The following MICAL3 variants were observed in gnomAD, a reference collection of about 807,000 sequenced individuals.
The protein encoded by MICAL3 is microtubule associated monooxygenase, calponin and LIM domain containing 3.
In MICAL3, 62 loss-of-function variants were observed where a neutral mutation model predicts 207.4. The observed-to-expected ratio is 0.30, with a 90% CI of 0.24 to 0.37. MICAL3 has a LOEUF of 0.37. Ranked by LOEUF, MICAL3 falls within the 10% of genes least tolerant of loss-of-function variation. The pLI, the probability that MICAL3 is intolerant of heterozygous loss-of-function variation, is 1.00. For synonymous variants in MICAL3, 1,077 were observed against 1,069.3 expected (o/e 1.01, Z -0.14); for missense variants, 2,368 against 2,635.6 (o/e 0.90, Z 2.22).
chr22:17,842,173 C>A, intron 19 of MICAL3, 156 bp from the exon 20 acceptor site: 1 of 678,366 alleles, frequency 1.5e-6, no homozygotes, highest in Admixed American at 2.8e-5. Flanking sequence ...GAGAAGGACC[C>A]TGGCATGTGA....
chr22:17,855,959 T>C (rs1380125270), intron 19 of MICAL3, among the ~76,000 whole-genome samples: 1 of 152,246 alleles, frequency 6.6e-6, no homozygotes, highest in African/African-American at 2.4e-5. Flanking sequence ...TCTGAGTTTA[T>C]TGGTTACGTG....
At chr22:17,835,623 C>T (rs1923281215) in intron 20 of MICAL3, among the ~76,000 whole-genome samples, 1 of 152,254 alleles carries the variant, frequency 6.6e-6, no homozygotes, top group Admixed American at 6.5e-5. Flanking sequence ...CAGAGGATCA[C>T]TATACCAGAA....
chr22:17,961,142 G>T (rs549839736), intron 1 of MICAL3, among the ~76,000 whole-genome samples: 1 of 152,162 alleles, frequency 6.6e-6, no homozygotes, highest in Admixed American at 6.5e-5. Context: ...CCAGAGGATG[G>T]CTGGCGGTGG....
intron 19 of MICAL3, chr22:17,862,482 G>T: frequency 4.7e-6 from 3 of 633,896 alleles, no homozygotes; most frequent in Non-Finnish European, 5.9e-6. Flanking sequence ...GGATGGTCTC[G>T]ATCTCCTGAC....
At chr22:17,877,372 AGGTG>A (rs1928822396) in intron 16 of MICAL3, among the ~76,000 whole-genome samples, 5 of 110,344 alleles carry the variant, frequency 4.5e-5, no homozygotes, top group Non-Finnish European at 6.9e-5. Flanking sequence ...GAGGTTAGGG[AGGTG>A]AGGGAGGTTA....
chr22:17,902,767 A>G lies in MICAL3; in HGVS notation c.473-20T>C. The stretch of plus-strand genomic sequence containing the variant: ...GGATACCTGGGAGAATACAGAGATG[A>G]CGTTGATGGGAACACATGGAGAAGG... On this transcript the variant is annotated intron_variant, in intron 3 of 31. Coordinates refer to ENST00000441493, the MANE Select transcript of MICAL3 (RefSeq NM_015241.3). This position sits in a 1 kb window ranked among gnomAD's most constrained non-coding sequence, Gnocchi z 4.5. 1.4e-6 allele frequency: 2 copies of G among 1,473,952 alleles called. No homozygotes were observed. The highest frequency in any genetic ancestry group is 1.9e-6 in the Non-Finnish European group (2 of 1,068,352). 91.3% of individuals were successfully genotyped at this position (1,473,952 alleles called of 1,614,324 possible). A position where few individuals can be genotyped will look rare whatever the true frequency, so the allele number is the denominator to read the frequency against.
At chr22:17,959,010 GTTTTTTTTT>G (rs34107784) in intron 1 of MICAL3, among the ~76,000 whole-genome samples, 4 of 85,850 alleles carry the variant, frequency 4.7e-5, no homozygotes, top group Admixed American at 1.6e-4. Flanking sequence ...CGGGCCTGGG[GTTTTTTTTT>G]TTTTTTTTTT....
chr22:17,960,698 G>A (rs1437955488), intron 1 of MICAL3, among the ~76,000 whole-genome samples: 1 of 152,158 alleles, frequency 6.6e-6, no homozygotes, highest in Non-Finnish European at 1.5e-5. Context: ...AGAGGGTGGG[G>A]GGAAGGAGGC....
At chr22:17,879,790 G>T (rs1352273196) in intron 16 of MICAL3, among the ~76,000 whole-genome samples, 1 of 152,230 alleles carries the variant, frequency 6.6e-6, no homozygotes, top group Non-Finnish European at 1.5e-5. Context: ...GAAAGCAAAG[G>T]TGGGGAGGTG....
chr22:17,848,525 C>G (rs1254103956), intron 19 of MICAL3, among the ~76,000 whole-genome samples: 1 of 152,200 alleles, frequency 6.6e-6, no homozygotes, highest in Admixed American at 6.5e-5. Context: ...AGTGAAGAAT[C>G]AGCTTGGATA....
chr22:17,938,975 T>C (rs1933685009), intron 1 of MICAL3, among the ~76,000 whole-genome samples: 1 of 152,202 alleles, frequency 6.6e-6, no homozygotes, highest in South Asian at 2.1e-4. Context: ...TTGAAATTCA[T>C]GTAGAAATTT....
chr22:17,799,739 C>A (rs1227340127), intron 29 of MICAL3, among the ~76,000 whole-genome samples: 1 of 152,130 alleles, frequency 6.6e-6, no homozygotes, highest in Non-Finnish European at 1.5e-5. Context: ...AAGCAGCTGT[C>A]ATGACAGGGT....
At chr22:17,876,754 T>A (rs1928428277) in intron 16 of MICAL3, 1 of 146,336 alleles carries the variant, frequency 6.8e-6, no homozygotes, top group African/African-American at 2.7e-5. Context: ...GTTAGGGAGG[T>A]TAAGGAGGTT....
At chr22:17,871,673 A>G (rs1927736105) in intron 17 of MICAL3, among the ~76,000 whole-genome samples, 164 bp downstream of exon 17, 1 of 152,204 alleles carries the variant, frequency 6.6e-6, no homozygotes, top group African/African-American at 2.4e-5. Flanking sequence ...TAAGAGTCTT[A>G]GAGAAAGAGT....
intron 25 of MICAL3, among the ~76,000 whole-genome samples, chr22:17,819,422 C>A (rs1220444667): frequency 6.6e-6 from 1 of 152,124 alleles, no homozygotes; most frequent in Non-Finnish European, 1.5e-5. Context: ...GAACACTGGC[C>A]AAAAGGACAT....
intron 20 of MICAL3, among the ~76,000 whole-genome samples, chr22:17,834,104 C>T (rs192761219): frequency 6.0e-4 from 92 of 152,316 alleles, no homozygotes; most frequent in African/African-American, 2.2e-3. Context: ...GTGGGGCAGT[C>T]TTGTGGGCTG....
At chr22:17,877,385 T>G (rs1465580277) in intron 16 of MICAL3, among the ~76,000 whole-genome samples, 3 of 103,096 alleles carry the variant, frequency 2.9e-5, no homozygotes, top group Non-Finnish European at 5.6e-5. Flanking sequence ...TGAGGGAGGT[T>G]ATGGAGGTTA....
At chr22:17,791,172 C>T (rs369548035) in intron 30 of MICAL3, 30 bp downstream of exon 30, 17 of 1,610,238 alleles carry the variant, frequency 1.1e-5, no homozygotes, top group Non-Finnish European at 1.4e-5. Context: ...ACAAGCATAG[C>T]GCTGACGCCC....
At chr22:17,957,786 C>T (rs983422324) in intron 1 of MICAL3, among the ~76,000 whole-genome samples, 1 of 148,236 alleles carries the variant, frequency 6.7e-6, no homozygotes, top group Non-Finnish European at 1.5e-5. Flanking sequence ...AAGAAAGAAA[C>T]TTTCTTTCTT....
Sources: gnomAD v4.1 joint callset for allele counts (sites outside exome capture counted in the v4.1 genomes callset) on GRCh38, gnomAD v4.1.1 for gene constraint, Gnocchi (gnomAD v3.1) non-coding constraint, MANE v1.5 for transcripts, NCBI Gene and HGNC (gene_info 2026-07-23, HGNC 2026-07-21) for gene names.